Variants in FAM20B observed in about 807,000 individuals in gnomAD.
FAM20B encodes FAM20B glycosaminoglycan xylosylkinase, also known as glycosaminoglycan xylosylkinase.
In FAM20B, 23 loss-of-function variants were observed where a neutral mutation model predicts 43.8. The observed-to-expected ratio is 0.53, with a 90% CI of 0.38 to 0.74. The LOEUF (loss-of-function observed/expected upper bound fraction) is 0.74, where lower values mean the gene tolerates loss of function less well. Among genes scored for constraint, FAM20B ranks in the 30% least tolerant of loss-of-function variants. The pLI is 0.00. For synonymous variants in FAM20B, 178 were observed against 192.4 expected (o/e 0.93, Z 0.62); for missense variants, 440 against 510.5 (o/e 0.86, Z 1.33).
rs1355338501 is a variant in FAM20B at position 179,073,206 on chromosome 1, C to T, written c.*1062C>T. On this transcript the variant is annotated 3_prime_UTR_variant, in exon 8 of 8. Transcript: ENST00000263733. The stretch of plus-strand genomic sequence containing the variant: ...CCTTTCTCATAAGAAAGGGACACTC[C>T]TACAGGTGAGAGTGTATACCTTACT... 1 of 152,184 alleles carries T rather than the reference C, an allele frequency of 6.6e-6. No homozygotes were observed. The highest frequency in any genetic ancestry group is 1.5e-5 in the Non-Finnish European group (1 of 68,048). 9.4% of individuals were successfully genotyped at this position (152,184 alleles called of 1,614,324 possible).
chr1:179,027,144 G>T (rs547936025), intron 1 of FAM20B, among the ~76,000 whole-genome samples: 47 of 152,084 alleles, frequency 3.1e-4, no homozygotes, highest in Admixed American at 1.9e-3. Context: ...GGAATGTGGG[G>T]TTTTTTTTAG....
In FAM20B at chr1:179,064,288, A is replaced by T. The variant is rs1557878438; in HGVS notation, c.747-17A>T. 1 of 1,591,672 alleles carries T rather than the reference A, an allele frequency of 6.3e-7. No individual in the cohort carries two copies. The highest frequency in any genetic ancestry group is 8.6e-7 in the Non-Finnish European group (1 of 1,164,474). On this transcript the variant is annotated splice_polypyrimidine_tract_variant and intron_variant, in intron 5 of 7. Transcript: ENST00000263733. ...TACAGTGTTGTCACTCAGTGCTGTG[A>T]TGCTGCTTGTCTCCAGGTGGGAGTA... is the stretch of plus-strand genomic sequence containing the variant.
intron 6 of FAM20B, among the ~76,000 whole-genome samples, chr1:179,064,937 G>A (rs1259027214): frequency 6.6e-6 from 1 of 152,108 alleles, no homozygotes; most frequent in African/African-American, 2.4e-5. Flanking sequence ...GTTTGTCTAG[G>A]TCCATACTTT....
intron 1 of FAM20B, among the ~76,000 whole-genome samples, chr1:179,036,649 T>A (rs1177729174): frequency 6.6e-6 from 1 of 152,178 alleles, no homozygotes; most frequent in Non-Finnish European, 1.5e-5. Flanking sequence ...AAAAGGAAGA[T>A]TATATGGCAT....
chr1:179,059,203 A>G (rs902538643), intron 4 of FAM20B, among the ~76,000 whole-genome samples: 4 of 152,220 alleles, frequency 2.6e-5, no homozygotes, highest in Non-Finnish European at 2.9e-5. Flanking sequence ...AAGTTTGGCA[A>G]TCCAGGAAAT....
intron 1 of FAM20B, among the ~76,000 whole-genome samples, chr1:179,042,209 C>T (rs1383340595): frequency 1.3e-5 from 2 of 152,224 alleles, no homozygotes; most frequent in Non-Finnish European, 2.9e-5. Flanking sequence ...GATCTTATAC[C>T]TGCCAAGGGC....
intron 2 of FAM20B, among the ~76,000 whole-genome samples, chr1:179,045,621 G>A (rs1208584502): frequency 6.6e-6 from 1 of 152,176 alleles, no homozygotes; most frequent in South Asian, 2.1e-4. Context: ...AAATTTGACT[G>A]GGGCTGGGCG....
upstream of FAM20B, among the ~76,000 whole-genome samples, chr1:179,022,067 A>G (rs1244173737): frequency 2.0e-5 from 3 of 152,140 alleles, no homozygotes; most frequent in Non-Finnish European, 4.4e-5. Context: ...GTGCCACGTG[A>G]TGGGGTAAGT....
chr1:179,023,716 T>C (rs1649646612), upstream of FAM20B, among the ~76,000 whole-genome samples: 1 of 152,222 alleles, frequency 6.6e-6, no homozygotes, highest in African/African-American at 2.4e-5. Flanking sequence ...TGGTTCATAT[T>C]GTTCCTCTCT....
At chr1:179,071,139 C>CA (rs1278741644) in intron 7 of FAM20B, among the ~76,000 whole-genome samples, 2 of 151,558 alleles carry the variant, frequency 1.3e-5, no homozygotes, top group Non-Finnish European at 1.5e-5. Context: ...CTAAAAAATA[C>CA]AAAAAAATTA....
At chr1:179,071,633 C>G (rs140226362) in intron 7 of FAM20B, among the ~76,000 whole-genome samples, 6 of 152,242 alleles carry the variant, frequency 3.9e-5, no homozygotes, top group African/African-American at 1.4e-4. Context: ...ATTTCCCAGT[C>G]GTTAGACATT....
At chr1:179,039,741 TA>T (rs149898464) in intron 1 of FAM20B, among the ~76,000 whole-genome samples, 54,877 of 148,266 alleles carry the variant, frequency 0.37, 10,039 homozygotes, top group Middle Eastern at 0.42. Flanking sequence ...ATTTATTTAT[TA>T]TTTTTTTTTA....
intron 1 of FAM20B, among the ~76,000 whole-genome samples, chr1:179,033,164 GAAGTACAA>G (rs1348720048): frequency 6.6e-6 from 1 of 152,212 alleles, no homozygotes. Flanking sequence ...TGTTTTGGCT[GAAGTACAA>G]AAGTTAGGCT....
chr1:179,069,618 C>T (rs1033371402), intron 7 of FAM20B, among the ~76,000 whole-genome samples: 6 of 152,014 alleles, frequency 3.9e-5, no homozygotes, highest in Non-Finnish European at 8.8e-5. Context: ...GTGATCCGTC[C>T]GCCTTGGCCT....
At chr1:179,067,679 G>T (rs1257982264) in intron 7 of FAM20B, among the ~76,000 whole-genome samples, 3 of 152,082 alleles carry the variant, frequency 2.0e-5, no homozygotes, top group African/African-American at 4.8e-5. Context: ...ATTGAAAAAT[G>T]AGTCAAGAAA....
chr1:179,043,193 G>A (rs185738974), intron 1 of FAM20B, among the ~76,000 whole-genome samples: 35 of 152,340 alleles, frequency 2.3e-4, no homozygotes, highest in African/African-American at 6.3e-4. Context: ...CCCAAAGTCC[G>A]GAGTGGGCTG....
At chr1:179,049,680 A>G (rs1650919695) in intron 2 of FAM20B, among the ~76,000 whole-genome samples, 1 of 152,162 alleles carries the variant, frequency 6.6e-6, no homozygotes, top group Non-Finnish European at 1.5e-5. Context: ...AGCTGGGATT[A>G]CAGGCATTCA....
At position 179,072,488 on chromosome 1, in the gene FAM20B, T is replaced by C. The variant is rs1651964578; in HGVS notation, c.*344T>C. 2 of 241,956 alleles carry C rather than the reference T, an allele frequency of 8.3e-6. No individual in the cohort carries two copies. Among genetic ancestry groups the C allele is most frequent in the African/African-American group, 2.2e-5 (1 of 44,878 alleles). 15.0% of individuals were successfully genotyped at this position (241,956 alleles called of 1,614,324 possible). On this transcript the variant is annotated 3_prime_UTR_variant, in exon 8 of 8. Transcript: ENST00000263733. ...TGGGATTGGCTCTGGAGCATGTGTT[T>C]TGAGTTGAACCTTGCAGTCCTTTCT...
In FAM20B at chr1:179,041,144, C is replaced by T. The variant is rs551163507; in HGVS notation, c.-133-2571C>T. On this transcript the variant is annotated intron_variant, in intron 1 of 7. Coordinates refer to ENST00000263733, the MANE Select transcript of FAM20B (RefSeq NM_014864.4). ...CTCACTTCCTAGATGGGATGGCGGCCGGGCAGAGACGCTCCTCACTTTCCA... is the reference window on the plus strand; with the variant it reads ...CTCACTTCCTAGATGGGATGGCGGCTGGGCAGAGACGCTCCTCACTTTCCA... 6.5e-3 allele frequency among the ~76,000 whole-genome samples: 975 copies of T among 148,978 alleles called. 20 individuals are homozygous for T. The highest frequency in any genetic ancestry group is 0.024 in the African/African-American group (939 of 39,448).
Sources: allele counts gnomAD v4.1 joint callset (sites outside exome capture counted in the v4.1 genomes callset), GRCh38; gene constraint gnomAD v4.1.1; transcripts MANE v1.5; gene names NCBI Gene and HGNC (gene_info 2026-07-23, HGNC 2026-07-21).